The following TENM4 variants were observed in gnomAD, a reference collection of about 807,000 sequenced individuals.
The protein encoded by TENM4 is teneurin-4.
TENM4 carries 82 observed loss-of-function variants against 243.3 expected under a neutral mutation model. The ratio of observed to expected loss-of-function variants is 0.34; its 90% CI spans 0.28 to 0.40. TENM4 has a LOEUF of 0.40. Ranked by LOEUF, TENM4 falls within the 10% of genes least tolerant of loss-of-function variation. The pLI is 1.00. For missense variants in TENM4, 3,138 were observed against 3,673.3 expected (o/e 0.85, Z 3.77); for synonymous variants, 1,412 against 1,456.3 (o/e 0.97, Z 0.69).
chr11:79,190,745 A>G (rs1236836350), intron 3 of TENM4, among the ~76,000 whole-genome samples: 2 of 151,824 alleles, frequency 1.3e-5, no homozygotes, highest in Non-Finnish European at 2.9e-5. Flanking sequence ...TTTCATTATA[A>G]TTACAGTTTA....
intron 6 of TENM4, among the ~76,000 whole-genome samples, chr11:78,971,484 G>C (rs1857546382): frequency 6.6e-6 from 1 of 152,028 alleles, no homozygotes; most frequent in African/African-American, 2.4e-5. Flanking sequence ...TGTATTTTTA[G>C]TAGAGATGGG....
At chr11:79,109,559 A>G (rs1240458182) in intron 4 of TENM4, among the ~76,000 whole-genome samples, 2 of 152,204 alleles carry the variant, frequency 1.3e-5, no homozygotes, top group Non-Finnish European at 2.9e-5. Context: ...CCAGGCAGGC[A>G]GGCCGAGGTT....
intron 23 of TENM4, among the ~76,000 whole-genome samples, chr11:78,724,300 C>G (rs1351723536): frequency 6.6e-6 from 1 of 152,154 alleles, no homozygotes; most frequent in African/African-American, 2.4e-5. Context: ...ACTATGTTGC[C>G]AGGCTAGTCT....
intron 4 of TENM4, among the ~76,000 whole-genome samples, chr11:79,144,098 C>T (rs555369390): frequency 2.6e-5 from 4 of 151,696 alleles, no homozygotes; most frequent in Admixed American, 6.6e-5. Flanking sequence ...TAAGGCAACT[C>T]GGCAGGAAAA....
chr11:78,734,487 T>G (rs904003147), intron 20 of TENM4, among the ~76,000 whole-genome samples: 1 of 152,058 alleles, frequency 6.6e-6, no homozygotes, highest in South Asian at 2.1e-4. Flanking sequence ...TTTTTTTTTT[T>G]TTTTTAAATT....
rs537683835 is a variant in TENM4, at chr11:78,798,366, C to T, written c.2179+6926G>A. On this transcript the variant is annotated intron_variant, in intron 15 of 33. Coordinates refer to ENST00000278550, the MANE Select transcript of TENM4 (RefSeq NM_001098816.3). Reference sequence around the variant, plus strand: ...CTAGTCGTTATTGTTATTATTTATGCTTTGTGATTCTCTTTCCCTTTGGGT... The same window carrying T: ...CTAGTCGTTATTGTTATTATTTATGTTTTGTGATTCTCTTTCCCTTTGGGT... Among the ~76,000 whole-genome samples, 8 of 152,174 alleles carry T rather than the reference C, an allele frequency of 5.3e-5. No individual in the cohort carries two copies. In the South Asian group the frequency reaches 1.7e-3, roughly 32 times the overall value.
intron 15 of TENM4, among the ~76,000 whole-genome samples, chr11:78,793,555 T>A (rs1857102657): frequency 6.6e-6 from 1 of 152,180 alleles, no homozygotes; most frequent in Non-Finnish European, 1.5e-5. Context: ...CTCATCTGAG[T>A]TACTGCACAA....
intron 6 of TENM4, among the ~76,000 whole-genome samples, chr11:78,989,698 C>T (rs890539488): frequency 1.3e-5 from 2 of 152,140 alleles, no homozygotes; most frequent in Non-Finnish European, 2.9e-5. Flanking sequence ...TCCCTGGATG[C>T]TCCCTCTCTT....
At chr11:78,692,457 T>C (rs1042960738) in intron 28 of TENM4, among the ~76,000 whole-genome samples, 2 of 152,090 alleles carry the variant, frequency 1.3e-5, no homozygotes, top group African/African-American at 2.4e-5. Flanking sequence ...TCCTGTTTCA[T>C]AGAGACACAT....
chr11:79,146,654 CAG>C (rs1408867145), intron 4 of TENM4, among the ~76,000 whole-genome samples: 1 of 151,974 alleles, frequency 6.6e-6, no homozygotes, highest in South Asian at 2.1e-4. Flanking sequence ...GAAAAACAAA[CAG>C]AAAAAAGCCA....
At chr11:79,222,920 T>C (rs1455519060) in intron 2 of TENM4, among the ~76,000 whole-genome samples, 1 of 152,064 alleles carries the variant, frequency 6.6e-6, no homozygotes, top group Admixed American at 6.6e-5. Flanking sequence ...GATGGGTAGA[T>C]TGGGAGCTGA....
intron 2 of TENM4, among the ~76,000 whole-genome samples, chr11:79,235,193 A>G (rs543210943): frequency 1.3e-5 from 2 of 152,264 alleles, no homozygotes; most frequent in African/African-American, 4.8e-5. Context: ...TGTGCCTGTA[A>G]TCCCAGCTAC....
In TENM4 at chr11:78,738,509, T is replaced by C; in HGVS notation, c.2818A>G (p.Asn940Asp). The C allele has an allele frequency of 6.2e-7, 1 of 1,613,910 alleles. No individual in the cohort carries two copies. The highest frequency in any genetic ancestry group is 2.2e-5 in the East Asian group (1 of 44,872). ...TSDGTPLVGVNISFVNNPLFG... is the reference protein window; with the variant it reads ...TSDGTPLVGVDISFVNNPLFG... ...AGAGGGTTATTGACAAAACTGATGT[T>C]CACACCAACCAGGGGGGTTCCATCT... is the stretch of plus-strand genomic sequence containing the variant. The change falls in exon 20 of 34, where the codon AAC (asparagine) becomes GAC (aspartate). Residue 940 changes from asparagine (N) to aspartate (D), a missense_variant. This residue lies in a region of TENM4 where 2,467 missense variants were observed against 3,059.1 expected (regional missense o/e 0.81). Transcript: ENST00000278550.
intron 3 of TENM4, chr11:79,193,132 G>A (rs1208310753): frequency 6.6e-6 from 1 of 152,342 alleles, no homozygotes; most frequent in South Asian, 2.1e-4. Flanking sequence ...AGTATTTGAG[G>A]ACTGAAAAGA....
At chr11:78,674,485 C>A (rs1329699198) in intron 30 of TENM4, among the ~76,000 whole-genome samples, 1 of 152,198 alleles carries the variant, frequency 6.6e-6, no homozygotes, top group Admixed American at 6.5e-5. Context: ...ATTTATTGAG[C>A]ACCTGGAGTC....
intron 2 of TENM4, among the ~76,000 whole-genome samples, chr11:79,253,286 G>A (rs986119588): frequency 2.6e-5 from 4 of 152,176 alleles, no homozygotes; most frequent in Non-Finnish European, 5.9e-5. Flanking sequence ...CGTAAGGCCT[G>A]AGCAAACTCA....
At chr11:79,075,390 G>T (rs1860514971) in intron 4 of TENM4, among the ~76,000 whole-genome samples, 1 of 152,214 alleles carries the variant, frequency 6.6e-6, no homozygotes, top group Admixed American at 6.5e-5. Flanking sequence ...CCACCTCCTA[G>T]CTGTGTGGCC....
chr11:78,888,576 C>T (rs1855594680), intron 9 of TENM4, among the ~76,000 whole-genome samples: 1 of 152,132 alleles, frequency 6.6e-6, no homozygotes, highest in South Asian at 2.1e-4. Flanking sequence ...ATGCTTGAAC[C>T]ACTTCTCTAT....
At chr11:79,169,116 G>A (rs1397470299) in intron 3 of TENM4, among the ~76,000 whole-genome samples, 2 of 152,188 alleles carry the variant, frequency 1.3e-5, no homozygotes, top group African/African-American at 2.4e-5. Flanking sequence ...AAATGGAGAT[G>A]GCTGGTCACC....
Sources: gnomAD v4.1 joint callset for allele counts (sites outside exome capture counted in the v4.1 genomes callset) on GRCh38, gnomAD v4.1.1 for gene constraint, gnomAD v4.1.1 regional missense constraint, MANE v1.5 for transcripts, NCBI Gene and HGNC (gene_info 2026-07-23, HGNC 2026-07-21) for gene names.